TLN2: variants seen among roughly 807,000 people sequenced by gnomAD.
TLN2 encodes the protein talin 2, also known as talin-2.
TLN2 carries 118 observed loss-of-function variants against 294.7 expected under a neutral mutation model. The ratio of observed to expected loss-of-function variants is 0.40; its 90% confidence interval spans 0.34 to 0.47. TLN2 has a LOEUF of 0.47. TLN2 is among the 20% of genes least tolerant of loss of function. The probability of loss-of-function intolerance (pLI) is 0.84; values close to 1 mark genes in which losing one functional copy is unlikely to be tolerated. For synonymous variants in TLN2, 1,431 were observed against 1,304.5 expected, an observed-to-expected ratio of 1.10 and a Z score of -2.09; for missense variants, 3,083 against 3,282.2, an observed-to-expected ratio of 0.94 and a Z score of 1.48.
chr15:62,546,826 G>A (rs1302213366), intron 1 of TLN2, among the ~76,000 whole-genome samples: 1 of 152,156 alleles, frequency 6.6e-6, no homozygotes, highest in Non-Finnish European at 1.5e-5. Context: ...ACAGACTAGA[G>A]CAATGAGGAG....
chr15:62,447,785 CT>C (rs1489027223), intron 1 of TLN2, among the ~76,000 whole-genome samples: 2 of 152,154 alleles, frequency 1.3e-5, no homozygotes, highest in Non-Finnish European at 2.9e-5. Context: ...CCAGAGTTAA[CT>C]TTTCTCCAGA....
chr15:62,426,047 T>C (rs1187391698), intron 1 of TLN2, among the ~76,000 whole-genome samples: 1 of 152,184 alleles, frequency 6.6e-6, no homozygotes, highest in Non-Finnish European at 1.5e-5. Flanking sequence ...GAACTGCTTT[T>C]CTCCAATGCC....
intron 42 of TLN2, among the ~76,000 whole-genome samples, chr15:62,772,672 T>A (rs868750316): frequency 1.6e-3 from 240 of 152,142 alleles, no homozygotes; most frequent in Middle Eastern, 6.8e-3. Context: ...TATTTATTTT[T>A]TTTTTTTGAG....
chr15:62,457,073 A>T (rs2040404547), intron 1 of TLN2, among the ~76,000 whole-genome samples: 1 of 152,190 alleles, frequency 6.6e-6, no homozygotes, highest in Non-Finnish European at 1.5e-5. Context: ...TGGGGAAGGT[A>T]TTAGCTCAGG....
chr15:62,516,227 A>G (rs1199547943), intron 1 of TLN2, among the ~76,000 whole-genome samples: 1 of 152,208 alleles, frequency 6.6e-6, no homozygotes, highest in Non-Finnish European at 1.5e-5. Flanking sequence ...GCAGTATGAA[A>G]AGAAGACAGT....
At position 62,658,229 on chromosome 15, in the gene TLN2, G is replaced by A. The variant is rs113685966; in HGVS notation, c.788+331G>A. ...GTAGGGCCAAGGTGTGAACGCCAGT[G>A]TGGGGGTTGTGGGGAGGACATGAGC... is the stretch of plus-strand genomic sequence containing the variant. On this transcript the variant is annotated intron_variant, in intron 9 of 58. Coordinates refer to ENST00000636159, the MANE Select transcript of TLN2 (RefSeq NM_015059.3). 629 of 220,204 alleles carry A rather than the reference G, an allele frequency of 2.9e-3. 8 individuals are homozygous for A. Among genetic ancestry groups the A allele is most frequent in the Non-Finnish European group, 3.8e-3 (431 of 112,820 alleles). The allele number at this position is 220,204 out of a possible 1,614,324, so 13.6% of individuals were successfully genotyped here. A position where few individuals can be genotyped will look rare whatever the true frequency, so the allele number is the denominator to read the frequency against.
At chr15:62,459,916 G>A (rs1473380573) in intron 1 of TLN2, among the ~76,000 whole-genome samples, 2 of 152,118 alleles carry the variant, frequency 1.3e-5, no homozygotes, top group Admixed American at 1.3e-4. Flanking sequence ...CCCCTTGAAT[G>A]ATCAATTTTC....
At chr15:62,408,970 C>CTTAT (rs1380159576) in intron 1 of TLN2, among the ~76,000 whole-genome samples, 3 of 146,364 alleles carry the variant, frequency 2.0e-5, no homozygotes, top group South Asian at 2.2e-4. Flanking sequence ...CTTATTTTTA[C>CTTAT]TTATTTATTT....
chr15:62,818,678 T>C (rs935652190), intron 52 of TLN2, among the ~76,000 whole-genome samples: 6 of 152,192 alleles, frequency 3.9e-5, no homozygotes, highest in African/African-American at 1.4e-4. Context: ...AATGGATTGT[T>C]TTCTCAAGAA....
At chr15:62,614,605 C>T (rs973738134) in intron 2 of TLN2, among the ~76,000 whole-genome samples, 1 of 152,134 alleles carries the variant, frequency 6.6e-6, no homozygotes, top group African/African-American at 2.4e-5. Context: ...AAGGAAGCCA[C>T]CTTTTTTGAC....
chr15:62,395,140 C>T (rs2456930), intron 1 of TLN2, among the ~76,000 whole-genome samples: 66,468 of 149,432 alleles, frequency 0.44, 15,254 homozygotes, highest in East Asian at 0.71. Flanking sequence ...GCTGAGAAGA[C>T]ATCCCCTGCC....
intron 35 of TLN2, 81 bp from the exon 36 acceptor site, chr15:62,753,692 T>C (rs1450127369): frequency 2.7e-6 from 4 of 1,481,828 alleles, no homozygotes; most frequent in South Asian, 1.4e-5. Context: ...GACAGCTGCA[T>C]GTGTAGTGCG....
At chr15:62,703,189 A>G (rs2058824041) in intron 19 of TLN2, among the ~76,000 whole-genome samples, 1 of 149,938 alleles carries the variant, frequency 6.7e-6, no homozygotes, top group Non-Finnish European at 1.5e-5. Context: ...TGCAACCTCC[A>G]TCTCCCGGGT....
chr15:62,540,666 A>T (rs2041628645), intron 1 of TLN2, among the ~76,000 whole-genome samples: 1 of 152,104 alleles, frequency 6.6e-6, no homozygotes, highest in Admixed American at 6.5e-5. Flanking sequence ...GAGTTTTAGG[A>T]GTGGTGAGGG....
chr15:62,543,962 T>C (rs2041847975), intron 1 of TLN2, among the ~76,000 whole-genome samples: 1 of 152,128 alleles, frequency 6.6e-6, no homozygotes, highest in Non-Finnish European at 1.5e-5. Flanking sequence ...ATTCAGGGGC[T>C]GGGGCTGGCG....
At chr15:62,802,159 A>G (rs2065971242) in intron 50 of TLN2, among the ~76,000 whole-genome samples, 2 of 150,468 alleles carry the variant, frequency 1.3e-5, no homozygotes, top group African/African-American at 2.5e-5. Flanking sequence ...TCTACCCTCT[A>G]TCTCCATGAG....
chr15:62,737,813 C>T (rs2061108769), intron 29 of TLN2, among the ~76,000 whole-genome samples: 1 of 152,190 alleles, frequency 6.6e-6, no homozygotes, highest in South Asian at 2.1e-4. Context: ...CTCAAGGTCT[C>T]CTTCCACCTC....
intron 12 of TLN2, among the ~76,000 whole-genome samples, chr15:62,688,457 A>C (rs1179871290): frequency 6.6e-6 from 1 of 152,120 alleles, no homozygotes; most frequent in Non-Finnish European, 1.5e-5. Flanking sequence ...ACGAGTATTC[A>C]AAAAGAACAT....
chr15:62,721,915 G>A (rs1287006676), intron 25 of TLN2, among the ~76,000 whole-genome samples: 1 of 152,194 alleles, frequency 6.6e-6, no homozygotes, highest in Non-Finnish European at 1.5e-5. Context: ...CCCTTCACTG[G>A]CGAAGTTATT....
Sources: allele counts gnomAD v4.1 joint callset (sites outside exome capture counted in the v4.1 genomes callset), GRCh38; gene constraint gnomAD v4.1.1; transcripts MANE v1.5; gene names NCBI Gene and HGNC (gene_info 2026-07-23, HGNC 2026-07-21).